The following VAT1L variants were observed in gnomAD, a reference collection of about 807,000 sequenced individuals.
The protein encoded by VAT1L is putative NADPH-dependent quinone oxidoreductase VAT1L.
A neutral mutation model predicts 44.1 loss-of-function variants in VAT1L; 34 were observed. The observed-to-expected ratio is 0.77, with a 90% CI of 0.59 to 1.03. The LOEUF (loss-of-function observed/expected upper bound fraction) is 1.03, where lower values mean the gene tolerates loss of function less well. VAT1L is among the 50% of genes least tolerant of loss of function. VAT1L has a pLI of 0.00. For missense variants in VAT1L, 615 were observed against 538.8 expected (o/e 1.14, Z -1.40); for synonymous variants, 253 against 202.2 (o/e 1.25, Z -2.13).
At chr16:77,789,529 G>A (rs555886992) in intron 1 of VAT1L, among the ~76,000 whole-genome samples, 1 of 152,134 alleles carries the variant, frequency 6.6e-6, no homozygotes, top group African/African-American at 2.4e-5. Flanking sequence ...ACAGGGTGCA[G>A]GGCTGGATCC....
chr16:77,973,305 G>A (rs1402773015), intron 8 of VAT1L, among the ~76,000 whole-genome samples: 3 of 152,004 alleles, frequency 2.0e-5, no homozygotes, highest in Admixed American at 1.3e-4. Flanking sequence ...CTTTTTTTGA[G>A]ATGGAGTCTC....
chr16:77,884,402 T>C lies in VAT1L; in HGVS notation c.883-206T>C, dbSNP rs2017187080. 6.6e-6 allele frequency among the ~76,000 whole-genome samples: 1 copy of C among 151,840 alleles called. No homozygotes were observed. Among genetic ancestry groups the C allele is most frequent in the Non-Finnish European group, 1.5e-5 (1 of 67,954 alleles). The stretch of plus-strand genomic sequence containing the variant: ...CATGCCACTGCACTCCAGCCTGGGC[T>C]ACAGAGTGAGACTCCATCTCAAAAA... On this transcript the variant is annotated intron_variant, in intron 6 of 8. Transcript: ENST00000302536. The surrounding 1 kb of genome is among the most constrained non-coding windows in gnomAD (Gnocchi z 4.5).
chr16:77,929,601 C>G (rs1429067), intron 7 of VAT1L, among the ~76,000 whole-genome samples: 1 of 152,142 alleles, frequency 6.6e-6, no homozygotes, highest in Non-Finnish European at 1.5e-5. Context: ...ATTTTCAGGA[C>G]GGAGAGGGTG....
chr16:77,827,564 A>G (rs1361124255), intron 3 of VAT1L, among the ~76,000 whole-genome samples: 3 of 152,228 alleles, frequency 2.0e-5, no homozygotes, highest in African/African-American at 4.8e-5. Context: ...AAAGTGGACA[A>G]TGAGGGTTGG....
At chr16:77,870,095 T>A (rs2017015057) in intron 4 of VAT1L, among the ~76,000 whole-genome samples, 1 of 152,188 alleles carries the variant, frequency 6.6e-6, no homozygotes, top group Admixed American at 6.5e-5. Context: ...TAGTAAACAC[T>A]TACCAAGAAG....
At chr16:77,807,605 C>G (rs1042497484) in intron 1 of VAT1L, among the ~76,000 whole-genome samples, 2 of 152,166 alleles carry the variant, frequency 1.3e-5, no homozygotes, top group Non-Finnish European at 2.9e-5. Flanking sequence ...CCTCTTGCTG[C>G]AAATCTCAGT....
chr16:77,951,190 G>A (rs1438298262), intron 7 of VAT1L, among the ~76,000 whole-genome samples: 2 of 152,210 alleles, frequency 1.3e-5, no homozygotes, highest in African/African-American at 4.8e-5. Flanking sequence ...CTCAACAATG[G>A]GAGCTCTTCA....
chr16:77,926,709 A>G (rs561851202), intron 7 of VAT1L, among the ~76,000 whole-genome samples: 1 of 152,220 alleles, frequency 6.6e-6, no homozygotes, highest in African/African-American at 2.4e-5. Context: ...GTCCTCACCA[A>G]CCTCTATGCC....
chr16:77,968,037 G>A (rs2018241356), intron 7 of VAT1L, among the ~76,000 whole-genome samples: 1 of 152,136 alleles, frequency 6.6e-6, no homozygotes, highest in Non-Finnish European at 1.5e-5. Context: ...TCTGTAAAAT[G>A]GGGATATATT....
intron 7 of VAT1L, among the ~76,000 whole-genome samples, chr16:77,946,447 C>T (rs2017967940): frequency 6.6e-6 from 1 of 151,704 alleles, no homozygotes; most frequent in South Asian, 2.1e-4. Context: ...CCACGGCCAG[C>T]TAATTTTTGT....
chr16:77,791,231 A>C (rs995737264), intron 1 of VAT1L, among the ~76,000 whole-genome samples: 4 of 152,158 alleles, frequency 2.6e-5, no homozygotes, highest in African/African-American at 9.7e-5. Flanking sequence ...ATTTTTATGA[A>C]TCAGCCGATG....
intron 3 of VAT1L, among the ~76,000 whole-genome samples, chr16:77,855,024 C>A (rs969539573): frequency 6.6e-6 from 1 of 152,110 alleles, no homozygotes; most frequent in African/African-American, 2.4e-5. Context: ...CCACAGAGAT[C>A]ATTAAGTCCA....
Position 77,977,829 on chromosome 16 carries a change from A to G in VAT1L, c.*134A>G. 1.2e-6 allele frequency: 1 copy of G among 857,086 alleles called. No individual in the cohort carries two copies. The highest frequency in any genetic ancestry group is 1.8e-6 in the Non-Finnish European group (1 of 544,010). The allele number at this position is 857,086 out of a possible 1,614,324, so 53.1% of individuals were successfully genotyped here. On this transcript the variant is annotated 3_prime_UTR_variant, in exon 9 of 9. Coordinates refer to ENST00000302536, the MANE Select transcript of VAT1L (RefSeq NM_020927.3). ...TGTTTGTCTGCAGTCAGCTGAGCTAAAAAGCTGTTGATCACTGTTGTTTTT... is the reference window on the plus strand; with the variant it reads ...TGTTTGTCTGCAGTCAGCTGAGCTAGAAAGCTGTTGATCACTGTTGTTTTT...
chr16:77,893,161 G>A (rs944022122), intron 7 of VAT1L, among the ~76,000 whole-genome samples: 3 of 152,216 alleles, frequency 2.0e-5, no homozygotes, highest in African/African-American at 7.2e-5. Context: ...GGCTGTGTGT[G>A]TTGTGTCATG....
chr16:77,814,095 T>C (rs1290555233), intron 1 of VAT1L, among the ~76,000 whole-genome samples: 4 of 152,164 alleles, frequency 2.6e-5, no homozygotes, highest in Non-Finnish European at 4.4e-5. Context: ...ATCTGAAAAA[T>C]TGGTATGATA....
At chr16:77,963,272 A>G (rs2018183321) in intron 7 of VAT1L, among the ~76,000 whole-genome samples, 1 of 152,082 alleles carries the variant, frequency 6.6e-6, no homozygotes, top group South Asian at 2.1e-4. Context: ...GGATGGGGAG[A>G]TCCTCCTGGG....
intron 7 of VAT1L, among the ~76,000 whole-genome samples, chr16:77,961,612 T>C (rs1473199793): frequency 6.6e-6 from 1 of 152,178 alleles, no homozygotes; most frequent in Admixed American, 6.5e-5. Flanking sequence ...ATTGGCCTCC[T>C]CAACCTCATT....
chr16:77,800,594 C>T (rs28635691), intron 1 of VAT1L: 8,798 of 152,272 alleles, frequency 0.058, 292 homozygotes, highest in Admixed American at 0.1. Context: ...TGATCCTGAA[C>T]CTTTCCTATT....
chr16:77,789,770 T>TATTCCCC lies in VAT1L; in HGVS notation c.233+863_233+869dup, dbSNP rs199849193. On this transcript the variant is annotated intron_variant, in intron 1 of 8. Transcript: ENST00000302536. ...GAGCTCAGCTCTCTAAGCTGCCCTC[T>TATTCCCC]ATTCCCCATTCCCCCTGGGGGAACT... is the stretch of plus-strand genomic sequence containing the variant. 9.3e-3 allele frequency among the ~76,000 whole-genome samples: 1,420 copies of TATTCCCC among 152,256 alleles called. 22 individuals are homozygous for TATTCCCC. The highest frequency in any genetic ancestry group is 0.032 in the African/African-American group (1,314 of 41,554).
Sources: allele counts gnomAD v4.1 joint callset (sites outside exome capture counted in the v4.1 genomes callset), GRCh38; gene constraint gnomAD v4.1.1; non-coding constraint Gnocchi (gnomAD v3.1); transcripts MANE v1.5; gene names NCBI Gene and HGNC (gene_info 2026-07-23, HGNC 2026-07-21).